DST: variants seen among roughly 807,000 people sequenced by gnomAD.
DST encodes the protein bullous pemphigoid antigen.
In DST, 253 loss-of-function variants were observed where a neutral mutation model predicts 875.2. That is an observed-to-expected ratio of 0.29 (90% CI 0.26 to 0.32). DST has a LOEUF of 0.32. DST is among the 10% of genes least tolerant of loss of function. DST has a pLI of 1.00. For missense variants in DST, 8,287 were observed against 9,111.6 expected (o/e 0.91, Z 3.68); for synonymous variants, 3,124 against 3,197.1 (o/e 0.98, Z 0.77).
intron 3 of DST, among the ~76,000 whole-genome samples, chr6:56,880,476 T>G: frequency 6.6e-6 from 1 of 152,110 alleles, no homozygotes; most frequent in East Asian, 1.9e-4. Context: ...TCGCTTGAGG[T>G]CAGGAGTTCG....
At chr6:56,812,328 T>C (rs898057264) in intron 4 of DST, among the ~76,000 whole-genome samples, 6 of 152,100 alleles carry the variant, frequency 3.9e-5, no homozygotes, top group Middle Eastern at 6.8e-3. Flanking sequence ...TTCTACTGGC[T>C]AAAAAAAGAC....
chr6:56,901,170 C>A (rs760587617), intron 2 of DST, among the ~76,000 whole-genome samples: 3 of 152,148 alleles, frequency 2.0e-5, no homozygotes, highest in Non-Finnish European at 4.4e-5. Flanking sequence ...GTCAGATGGG[C>A]CCGGGTCCAA....
At chr6:56,817,275 A>T (rs2099767684) in intron 4 of DST, among the ~76,000 whole-genome samples, 1 of 152,208 alleles carries the variant, frequency 6.6e-6, no homozygotes, top group Admixed American at 6.5e-5. Context: ...AATGAACAAG[A>T]ATAGAAATAG....
At chr6:56,887,119 T>G (rs1052094084) in intron 3 of DST, among the ~76,000 whole-genome samples, 3 of 152,244 alleles carry the variant, frequency 2.0e-5, no homozygotes, top group Middle Eastern at 3.2e-3. Flanking sequence ...ATTAACTTGC[T>G]GCTAATTAGC....
intron 48 of DST, 33 bp downstream of exon 48, chr6:56,593,630 G>T: frequency 6.9e-7 from 1 of 1,445,168 alleles, no homozygotes; most frequent in South Asian, 1.7e-5. Context: ...ATTGCAGATT[G>T]ACTTTTCCCT....
intron 5 of DST, among the ~76,000 whole-genome samples, chr6:56,723,263 C>G (rs946262075): frequency 6.6e-6 from 1 of 152,084 alleles, no homozygotes; most frequent in Non-Finnish European, 1.5e-5. Flanking sequence ...AAATAATTGA[C>G]CTATAAGAAG....
chr6:56,597,275 A>T (rs1485427071), intron 47 of DST, among the ~76,000 whole-genome samples: 1 of 152,064 alleles, frequency 6.6e-6, no homozygotes, highest in Non-Finnish European at 1.5e-5. Context: ...TAGAACACAG[A>T]TTCAGACTTA....
chr6:56,639,554 C>CTA lies in DST; in HGVS notation c.2754_2755insTA (p.Ala919Ter). 1 of 1,613,778 alleles carries CTA rather than the reference C, an allele frequency of 6.2e-7. No individual in the cohort carries two copies. Among genetic ancestry groups the CTA allele is most frequent in the Non-Finnish European group, 8.5e-7 (1 of 1,179,884 alleles). ...TTCAACCAAATAAGTTCATTAGTCGCACGACTTACAAAATTATGGAGTGTA... is the reference window on the plus strand; with the variant it reads ...TTCAACCAAATAAGTTCATTAGTCGCTAACGACTTACAAAATTATGGAGTGTA... On this transcript the variant is annotated frameshift_variant, in exon 21 of 104. Coordinates refer to ENST00000680361, the MANE Select transcript of DST (RefSeq NM_001374736.1). LOFTEE classifies it high-confidence loss of function.
intron 83 of DST, 77 bp downstream of exon 83, chr6:56,493,933 C>T: frequency 8.4e-7 from 1 of 1,192,956 alleles, no homozygotes; most frequent in Non-Finnish European, 1.1e-6. Flanking sequence ...CCTGATAGCT[C>T]TACTCAGAAA....
Position 56,651,153 on chromosome 6 carries a change from T to C in DST, c.1306A>G (p.Ile436Val), listed in dbSNP as rs752497801. 5.0e-6 allele frequency: 8 copies of C among 1,612,824 alleles called. No homozygotes were observed. Among genetic ancestry groups the C allele is most frequent in the South Asian group, 3.3e-5 (3 of 90,800 alleles). ...TCACCTTCAGGGTCCAGAAGTCTTA[T>C]AACACCAATTTTTTCTGCTACGTAA... ...AFYVAEKIGV[I>V]RLLDPEDVDV... The change falls in exon 11 of 104, where the codon ATA (isoleucine) becomes GTA (valine). Residue 436 changes from isoleucine to valine, a missense_variant. Coordinates refer to ENST00000680361, the MANE Select transcript of DST (RefSeq NM_001374736.1).
At chr6:56,528,788 A>C (rs544969354) in intron 67 of DST, 53 bp downstream of exon 67, 1 of 1,267,722 alleles carries the variant, frequency 7.9e-7, no homozygotes, top group African/African-American at 1.5e-5. Flanking sequence ...AAATATTTTG[A>C]AAACAATATA....
At chr6:56,515,123 T>C (rs1157650492) in intron 72 of DST, among the ~76,000 whole-genome samples, 1 of 152,224 alleles carries the variant, frequency 6.6e-6, no homozygotes, top group African/African-American at 2.4e-5. Flanking sequence ...TTTAAAACAA[T>C]TCAATGTGTG....
rs550625790 is a variant in DST, at chr6:56,530,258, T to C, written c.17109-125A>G. The C allele has an allele frequency of 5.7e-4, 366 of 640,482 alleles. 13 individuals are homozygous for C. The South Asian group carries it at 0.019, about 33-fold the overall frequency. 39.7% of individuals were successfully genotyped at this position (640,482 alleles called of 1,614,324 possible). On this transcript the variant is annotated intron_variant, in intron 64 of 103. Coordinates refer to ENST00000680361, the MANE Select transcript of DST (RefSeq NM_001374736.1). ...GTAGAAACTATCTAAGGTTACAATT[T>C]AAATCTCTTAACATTTAAAGAACAT...
intron 51 of DST, among the ~76,000 whole-genome samples, 197 bp from the exon 52 acceptor site, chr6:56,573,261 C>T (rs2097804238): frequency 2.0e-5 from 3 of 152,138 alleles, no homozygotes; most frequent in Admixed American, 2.0e-4. Flanking sequence ...GAGTGAAGAA[C>T]AGCTGGCTAG....
chr6:56,697,535 C>T (rs140650928), intron 9 of DST, among the ~76,000 whole-genome samples: 65 of 152,084 alleles, frequency 4.3e-4, no homozygotes, highest in African/African-American at 1.1e-3. Flanking sequence ...AAGTGATGGA[C>T]GGAAAAAGGA....
At chr6:56,558,812 A>G (rs1050979650) in intron 58 of DST, among the ~76,000 whole-genome samples, 2 of 152,110 alleles carry the variant, frequency 1.3e-5, no homozygotes, top group Non-Finnish European at 2.9e-5. Flanking sequence ...TTATAATCCA[A>G]ACAGGCTTTT....
intron 5 of DST, among the ~76,000 whole-genome samples, chr6:56,723,385 T>G (rs957333350): frequency 6.6e-6 from 1 of 151,990 alleles, no homozygotes; most frequent in Non-Finnish European, 1.5e-5. Flanking sequence ...AACAACATGG[T>G]GAAACCCTGT....
chr6:56,855,826 C>A (rs2127584391), intron 3 of DST, among the ~76,000 whole-genome samples: 1 of 152,276 alleles, frequency 6.6e-6, no homozygotes, highest in South Asian at 2.1e-4. Context: ...AGAATGGGAC[C>A]AATTAACCTA....
chr6:56,953,910 G>GGAA, intron 1 of DST, 91 bp from the exon 2 acceptor site: 1 of 887,156 alleles, frequency 1.1e-6, no homozygotes, highest in South Asian at 1.5e-5. Context: ...ACCAGGGTTG[G>GGAA]GAAAGCACAT....
Sources: gnomAD v4.1 joint callset for allele counts (sites outside exome capture counted in the v4.1 genomes callset) on GRCh38, gnomAD v4.1.1 for gene constraint, MANE v1.5 for transcripts, NCBI Gene and HGNC (gene_info 2026-07-23, HGNC 2026-07-21) for gene names.